Variants in MORC1 observed in about 807,000 individuals in gnomAD.
MORC1 encodes MORC family CW-type zinc finger protein 1.
A neutral mutation model predicts 134.9 loss-of-function variants in MORC1; 59 were observed. The observed-to-expected ratio is 0.44, with a 90% CI of 0.35 to 0.54. The LOEUF is 0.54. MORC1 is among the 20% of genes least tolerant of loss of function. The pLI, the probability that MORC1 is intolerant of heterozygous loss-of-function variation, is 0.00. For missense variants in MORC1, 947 were observed against 1,134.5 expected (o/e 0.83, Z 2.37); for synonymous variants, 395 against 391.7 (o/e 1.01, Z -0.10).
At chr3:109,047,239 C>T (rs1428371921) in intron 14 of MORC1, among the ~76,000 whole-genome samples, 1 of 152,246 alleles carries the variant, frequency 6.6e-6, no homozygotes, top group South Asian at 2.1e-4. Context: ...ATATAACTTA[C>T]TCTTCTTAAG....
chr3:109,108,170 C>G (rs555219611), intron 3 of MORC1, among the ~76,000 whole-genome samples: 5 of 152,262 alleles, frequency 3.3e-5, no homozygotes, highest in African/African-American at 1.2e-4. Flanking sequence ...GCCTGGGCAA[C>G]AGAGTGAGAC....
chr3:109,009,484 G>A (rs776494592), intron 17 of MORC1, among the ~76,000 whole-genome samples: 16 of 152,220 alleles, frequency 1.1e-4, no homozygotes, highest in East Asian at 1.9e-4. Context: ...GATTACAGGC[G>A]TGAGCCACCA....
intron 9 of MORC1, among the ~76,000 whole-genome samples, chr3:109,069,104 C>T (rs993283299): frequency 6.6e-6 from 1 of 152,152 alleles, no homozygotes; most frequent in African/African-American, 2.4e-5. Flanking sequence ...TGCACTGAAC[C>T]AAGATTGTGC....
chr3:109,076,496 T>C (rs981779326), intron 8 of MORC1, among the ~76,000 whole-genome samples: 23 of 152,300 alleles, frequency 1.5e-4, no homozygotes, highest in African/African-American at 5.3e-4. Flanking sequence ...CAAATAATTA[T>C]AAATTATACT....
At chr3:108,974,520 AAGT>A (rs1255122126) in intron 24 of MORC1, among the ~76,000 whole-genome samples, 1 of 152,176 alleles carries the variant, frequency 6.6e-6, no homozygotes, top group African/African-American at 2.4e-5. Flanking sequence ...GGAATCCATA[AAGT>A]ACATTTAAAG....
intron 8 of MORC1, among the ~76,000 whole-genome samples, chr3:109,087,221 T>C (rs1950631130): frequency 6.6e-6 from 1 of 151,768 alleles, no homozygotes; most frequent in Non-Finnish European, 1.5e-5. Flanking sequence ...AGAAAACTAT[T>C]GCTTGGCAAT....
chr3:109,104,962 G>A (rs545462656), intron 3 of MORC1, among the ~76,000 whole-genome samples: 11 of 152,130 alleles, frequency 7.2e-5, no homozygotes, highest in African/African-American at 2.7e-4. Context: ...CTGACCCTTT[G>A]TAAATCCTTC....
rs1576764539 is a variant in MORC1, at chr3:109,118,105, A to T, written c.-46T>A. 6.3e-7 allele frequency: 1 copy of T among 1,576,206 alleles called. No homozygotes were observed. ...CAACTCAAGGGGACAAGGACACCTG[A>T]CCGGCAGCCGTTCGCCTGCGCCCGC... On this transcript the variant is annotated 5_prime_UTR_variant, in exon 1 of 28. Transcript: ENST00000232603.
In MORC1 at chr3:109,007,031, T is replaced by A; in HGVS notation, c.1765A>T (p.Lys589Ter). 3.7e-6 allele frequency: 6 copies of A among 1,610,684 alleles called. No individual in the cohort carries two copies. The highest frequency in any genetic ancestry group is 5.1e-6 in the Non-Finnish European group (6 of 1,177,916). The stretch of plus-strand genomic sequence containing the variant: ...TTAATCCTATATTAATTACTCACCT[T>A]ATGTGCTGAAGTTAGGCAGGTGGAA... The part of the protein sequence containing the change: ...VTSTCLTSAH[K>*]ENTKTQKIRL... The change falls in exon 18 of 28, where the codon AAG becomes TAG. Residue 589 changes from lysine to a stop codon, truncating the protein, a stop_gained and splice_region_variant. Transcript: ENST00000232603. LOFTEE classifies it high-confidence loss of function.
chr3:109,086,077 C>T (rs138436752), intron 8 of MORC1, among the ~76,000 whole-genome samples: 4 of 151,912 alleles, frequency 2.6e-5, no homozygotes, highest in African/African-American at 9.7e-5. Context: ...ATGGTAGTTA[C>T]CAGAGGCAAG....
chr3:109,053,692 C>T (rs1246690549), intron 14 of MORC1, among the ~76,000 whole-genome samples: 1 of 152,112 alleles, frequency 6.6e-6, no homozygotes, highest in African/African-American at 2.4e-5. Flanking sequence ...ACCAGGGTGA[C>T]AAGTTTAGTC....
At chr3:109,105,200 T>C (rs1951003948) in intron 3 of MORC1, among the ~76,000 whole-genome samples, 5 of 151,784 alleles carry the variant, frequency 3.3e-5, no homozygotes, top group Middle Eastern at 3.4e-3. Context: ...CTGGCCAACA[T>C]AGTGAGACCT....
intron 4 of MORC1, among the ~76,000 whole-genome samples, chr3:109,102,926 G>T (rs112170398): frequency 1.3e-5 from 2 of 152,068 alleles, no homozygotes; most frequent in African/African-American, 4.8e-5. Context: ...AAAATTATCC[G>T]AAGTCAGAAC....
In MORC1 at chr3:109,001,279, C is replaced by T. The variant is rs139878580; in HGVS notation, c.2086-621G>A. Among the ~76,000 whole-genome samples, 17 of 152,226 alleles carry T rather than the reference C, an allele frequency of 1.1e-4. 1 individual carries two copies. In the East Asian group the frequency reaches 3.3e-3, roughly 29 times the overall value. ...TCTAGAACAGCTGAGATTACAGGTGCCCACCACCACGCCTGGGAAATTAGC... is the reference window on the plus strand; with the variant it reads ...TCTAGAACAGCTGAGATTACAGGTGTCCACCACCACGCCTGGGAAATTAGC... On this transcript the variant is annotated intron_variant, in intron 20 of 27. Transcript: ENST00000232603.
intron 9 of MORC1, 113 bp downstream of exon 9, chr3:109,069,519 A>G: frequency 1.9e-6 from 2 of 1,064,320 alleles, no homozygotes; most frequent in Non-Finnish European, 2.6e-6. Context: ...AATTTTGTTT[A>G]CAATGTAAAA....
rs34427045 is a variant in MORC1, at chr3:109,064,584, G to GA, written c.816-1354dup. 7.3e-3 allele frequency among the ~76,000 whole-genome samples: 1,084 copies of GA among 148,652 alleles called. 12 individuals are homozygous for GA. The highest frequency in any genetic ancestry group is 0.024 in the African/African-American group (971 of 40,530). ...AATATAGTATTTTAAAATTTAAGTT[G>GA]AAAAAAAAACACACTTCAAGTAAAC... On this transcript the variant is annotated intron_variant, in intron 9 of 27. Coordinates refer to ENST00000232603, the MANE Select transcript of MORC1 (RefSeq NM_014429.4).
rs1947342247 is a variant in MORC1 at position 108,970,279 on chromosome 3, T to A, written c.2551-557A>T. Among the ~76,000 whole-genome samples the A allele has an allele frequency of 2.0e-5, 3 of 151,050 alleles. No homozygotes were observed. In the South Asian group the frequency reaches 6.3e-4, roughly 32 times the overall value. ...ATGGGAGGGAGGAAAGCAAAAAAAA[T>A]AAAAATAAAAATAAATAAAAAATAA... On this transcript the variant is annotated intron_variant, in intron 25 of 27. Transcript: ENST00000232603.
chr3:109,015,272 A>G (rs1189727496), intron 17 of MORC1, among the ~76,000 whole-genome samples: 1 of 152,134 alleles, frequency 6.6e-6, no homozygotes, highest in African/African-American at 2.4e-5. Context: ...ATTCACTCAC[A>G]ATTGGAAGAA....
intron 13 of MORC1, among the ~76,000 whole-genome samples, chr3:109,057,119 AT>A (rs1370329750): frequency 2.0e-5 from 3 of 152,184 alleles, no homozygotes; most frequent in Non-Finnish European, 4.4e-5. Flanking sequence ...CAATAAATGC[AT>A]TGAAAAAAAT....
Sources: allele counts gnomAD v4.1 joint callset (sites outside exome capture counted in the v4.1 genomes callset), GRCh38; gene constraint gnomAD v4.1.1; transcripts MANE v1.5; gene names NCBI Gene and HGNC (gene_info 2026-07-23, HGNC 2026-07-21).